The following ZNF280D variants were observed in gnomAD, a reference collection of about 807,000 sequenced individuals.
ZNF280D encodes zinc finger protein 280D, also known as suppressor of hairy wing homolog 4.
A neutral mutation model predicts 94.7 loss-of-function variants in ZNF280D; 39 were observed. That is an observed-to-expected ratio of 0.41 (90% CI 0.32 to 0.54). The LOEUF is 0.54. Among genes scored for constraint, ZNF280D ranks in the 20% least tolerant of loss-of-function variants. ZNF280D has a pLI of 0.22. For synonymous variants in ZNF280D, 398 were observed against 377.6 expected (o/e 1.05, Z -0.63); for missense variants, 1,090 against 1,149.3 (o/e 0.95, Z 0.75).
At chr15:56,710,177 TG>T in intron 1 of ZNF280D, among the ~76,000 whole-genome samples, 1 of 151,946 alleles carries the variant, frequency 6.6e-6, no homozygotes, top group Non-Finnish European at 1.5e-5. Flanking sequence ...CCGAGGCGGG[TG>T]GATCACCTGA....
chr15:56,670,650 A>G lies in ZNF280D; in HGVS notation c.1411-1693T>C, dbSNP rs916841432. Among the ~76,000 whole-genome samples the G allele has an allele frequency of 2.6e-5, 4 of 152,100 alleles. No individual in the cohort carries two copies. The East Asian group carries it at 7.7e-4, about 29-fold the overall frequency. ...TATTGTGAATAGTGCTACAAAGAACATATGTGTGCATATGTCTTAACAGAA... is the reference window on the plus strand; with the variant it reads ...TATTGTGAATAGTGCTACAAAGAACGTATGTGTGCATATGTCTTAACAGAA... On this transcript the variant is annotated intron_variant, in intron 13 of 21. Transcript: ENST00000267807.
chr15:56,731,751 A>G (rs1167018102), intron 1 of ZNF280D, among the ~76,000 whole-genome samples: 1 of 152,220 alleles, frequency 6.6e-6, no homozygotes, highest in Admixed American at 6.5e-5. Context: ...ACAGAATGTG[A>G]GATAAGTGGA....
chr15:56,674,325 C>T (rs1283141053), intron 13 of ZNF280D, among the ~76,000 whole-genome samples: 4 of 151,974 alleles, frequency 2.6e-5, no homozygotes, highest in Admixed American at 6.6e-5. Context: ...CATCTCAATG[C>T]ACTAAGGGTG....
intron 19 of ZNF280D, among the ~76,000 whole-genome samples, chr15:56,650,712 CT>C (rs2053158987): frequency 6.6e-6 from 1 of 152,128 alleles, no homozygotes; most frequent in South Asian, 2.1e-4. Context: ...CTATTCTCAA[CT>C]TTTTGTCAAG....
intron 6 of ZNF280D, among the ~76,000 whole-genome samples, chr15:56,696,367 CACA>C (rs1823821252): frequency 6.6e-6 from 1 of 152,258 alleles, no homozygotes; most frequent in South Asian, 2.1e-4. Flanking sequence ...ATGCAGCTAT[CACA>C]ACAATACTAA....
At chr15:56,647,229 T>C (rs764214367) in intron 19 of ZNF280D, among the ~76,000 whole-genome samples, 4 of 152,054 alleles carry the variant, frequency 2.6e-5, no homozygotes, top group Non-Finnish European at 5.9e-5. Context: ...ACAGTGTCAA[T>C]GGAGAAAAGG....
At chr15:56,705,575 A>G (rs994458432) in intron 3 of ZNF280D, among the ~76,000 whole-genome samples, 9 of 152,238 alleles carry the variant, frequency 5.9e-5, no homozygotes, top group African/African-American at 1.7e-4. Flanking sequence ...TAGATTCAAG[A>G]AAATGCCACA....
In ZNF280D at chr15:56,700,534, G is replaced by C. The variant is rs903400393; in HGVS notation, c.381+399C>G. 24 of 1,044,356 alleles carry C rather than the reference G, an allele frequency of 2.3e-5. No individual in the cohort carries two copies. The African/African-American group carries it at 3.7e-4, about 16-fold the overall frequency. The allele number at this position is 1,044,356 out of a possible 1,614,324, so 64.7% of individuals were successfully genotyped here. ...AATGTTTGTTTTTTTTTAACTAACTGAACTATGAAGGAATGTTTTCAGAAT... is the reference window on the plus strand; with the variant it reads ...AATGTTTGTTTTTTTTTAACTAACTCAACTATGAAGGAATGTTTTCAGAAT... On this transcript the variant is annotated intron_variant, in intron 6 of 21. Coordinates refer to ENST00000267807, the MANE Select transcript of ZNF280D (RefSeq NM_017661.4).
At chr15:56,726,416 T>C (rs1380888555) in intron 1 of ZNF280D, among the ~76,000 whole-genome samples, 1 of 152,178 alleles carries the variant, frequency 6.6e-6, no homozygotes. Context: ...TAGAGATCTT[T>C]AAACAAAGAA....
At chr15:56,694,338 CAA>C (rs1270071670) in intron 6 of ZNF280D, among the ~76,000 whole-genome samples, 18 of 130,356 alleles carry the variant, frequency 1.4e-4, no homozygotes, top group African/African-American at 4.0e-4. Flanking sequence ...CACACACACA[CAA>C]GTATACTCCA....
At chr15:56,681,909 T>C (rs887905717) in intron 10 of ZNF280D, among the ~76,000 whole-genome samples, 1 of 152,202 alleles carries the variant, frequency 6.6e-6, no homozygotes, top group Non-Finnish European at 1.5e-5. Context: ...CTTCTTGTAA[T>C]GTGAAGAAAT....
intron 7 of ZNF280D, 89 bp downstream of exon 7, chr15:56,693,009 G>A: frequency 6.8e-6 from 5 of 735,912 alleles, no homozygotes; most frequent in East Asian, 3.1e-5. Context: ...TCACACAAGG[G>A]TAGGGACTTC....
intron 6 of ZNF280D, chr15:56,700,503 G>C: frequency 9.9e-7 from 1 of 1,006,268 alleles, no homozygotes; most frequent in Non-Finnish European, 1.2e-6. Context: ...TTTTGTAATA[G>C]GAAAAAATGT....
chr15:56,658,823 T>C (rs2053719172), intron 16 of ZNF280D, among the ~76,000 whole-genome samples: 1 of 152,124 alleles, frequency 6.6e-6, no homozygotes, highest in South Asian at 2.1e-4. Context: ...AATTCTAAAT[T>C]TTTGTTAATA....
At chr15:56,640,638 C>G (rs983226875) in intron 20 of ZNF280D, among the ~76,000 whole-genome samples, 39 of 152,056 alleles carry the variant, frequency 2.6e-4, no homozygotes, top group Admixed American at 4.6e-4. Flanking sequence ...TTCAAATGAG[C>G]AAACTGTCAT....
At chr15:56,718,249 CAGTT>C (rs201404837) in intron 1 of ZNF280D, among the ~76,000 whole-genome samples, 1,736 of 152,028 alleles carry the variant, frequency 0.011, 15 homozygotes, top group Middle Eastern at 0.031. Flanking sequence ...ATGAATGAAG[CAGTT>C]AGGTTGAAGC....
intron 1 of ZNF280D, among the ~76,000 whole-genome samples, chr15:56,720,116 G>C (rs1045743106): frequency 2.6e-5 from 4 of 152,140 alleles, no homozygotes; most frequent in African/African-American, 9.7e-5. Context: ...ATACGATGCT[G>C]TTTGATAGCA....
intron 13 of ZNF280D, among the ~76,000 whole-genome samples, chr15:56,670,527 C>T (rs2054789640): frequency 6.6e-6 from 1 of 152,006 alleles, no homozygotes; most frequent in Non-Finnish European, 1.5e-5. Context: ...GATCTCATTC[C>T]TTTCTTTGGC....
Position 56,704,178 on chromosome 15 carries a change from C to T in ZNF280D, c.118G>A (p.Asp40Asn), listed in dbSNP as rs1426149568. The change falls in exon 4 of 22, where the codon GAT becomes AAT. Residue 40 changes from aspartate (D) to asparagine (N), a missense_variant. Asp to Asn is a conservative substitution (Grantham distance 23, BLOSUM62 1). Transcript: ENST00000267807. ...CCAACAAAGATTGGCTCATCATCAT[C>T]GTCATCCTCAACTTCTTTTACTTTC... is the stretch of plus-strand genomic sequence containing the variant. ...QKKVKEVEDDDDDEPIFVGEI... is the reference protein window; with the variant it reads ...QKKVKEVEDDNDDEPIFVGEI... 3.1e-6 allele frequency: 5 copies of T among 1,613,632 alleles called. No individual in the cohort carries two copies. The highest frequency in any genetic ancestry group is 1.7e-5 in the Admixed American group (1 of 59,934).
Sources: allele counts gnomAD v4.1 joint callset (sites outside exome capture counted in the v4.1 genomes callset), GRCh38; gene constraint gnomAD v4.1.1; transcripts MANE v1.5; gene names NCBI Gene and HGNC (gene_info 2026-07-23, HGNC 2026-07-21).